Variants in DLG2 observed in about 807,000 individuals in gnomAD.
DLG2 encodes discs large MAGUK scaffold protein 2.
In DLG2, 45 loss-of-function variants were observed where a neutral mutation model predicts 132.5. The ratio of observed to expected loss-of-function variants is 0.34; its 90% confidence interval spans 0.27 to 0.44. The LOEUF (loss-of-function observed/expected upper bound fraction) is 0.44, where lower values mean the gene tolerates loss of function less well. Ranked by LOEUF, DLG2 falls within the 20% of genes least tolerant of loss-of-function variation. The pLI is 1.00. For synonymous variants in DLG2, 424 were observed against 419.6 expected, an observed-to-expected ratio of 1.01 and a Z score of -0.13; for missense variants, 1,045 against 1,196.9, an observed-to-expected ratio of 0.87 and a Z score of 1.87.
intron 6 of DLG2, among the ~76,000 whole-genome samples, chr11:85,082,399 T>C (rs997320287): frequency 1.3e-5 from 2 of 152,032 alleles, no homozygotes; most frequent in African/African-American, 4.8e-5. Flanking sequence ...AATTTTCTCA[T>C]AGTAAAAGGT....
chr11:85,564,037 G>A (rs1565690994), intron 3 of DLG2, among the ~76,000 whole-genome samples: 1 of 151,940 alleles, frequency 6.6e-6, no homozygotes, highest in East Asian at 1.9e-4. Flanking sequence ...TTTTCTTAAT[G>A]TCTAAAGATG....
intron 10 of DLG2, among the ~76,000 whole-genome samples, chr11:84,074,011 T>C (rs1179227010): frequency 6.6e-6 from 1 of 152,252 alleles, no homozygotes; most frequent in Non-Finnish European, 1.5e-5. Flanking sequence ...TTAAAATTCT[T>C]GTAAATATCA....
At chr11:85,583,580 G>C (rs538737231) in intron 3 of DLG2, among the ~76,000 whole-genome samples, 2 of 152,196 alleles carry the variant, frequency 1.3e-5, no homozygotes, top group African/African-American at 4.8e-5. Context: ...TCTGAGCAGA[G>C]AGCACTTTCT....
intron 9 of DLG2, among the ~76,000 whole-genome samples, chr11:84,156,055 A>G (rs901742141): frequency 6.6e-6 from 1 of 152,236 alleles, no homozygotes; most frequent in Admixed American, 6.5e-5. Context: ...GGAGGAGGAA[A>G]TAATTCAAAA....
intron 7 of DLG2, among the ~76,000 whole-genome samples, chr11:84,526,979 C>T (rs978674633): frequency 1.3e-5 from 2 of 152,018 alleles, no homozygotes; most frequent in African/African-American, 2.4e-5. Context: ...GGGGTTTCAC[C>T]GTTTTAGCCG....
intron 8 of DLG2, chr11:84,167,011 G>A (rs770455608): frequency 9.4e-6 from 5 of 533,130 alleles, no homozygotes. Flanking sequence ...TCACAGTTGG[G>A]GTTTCTGTTA....
intron 16 of DLG2, among the ~76,000 whole-genome samples, chr11:83,841,184 A>G (rs2057441486): frequency 6.6e-6 from 1 of 152,236 alleles, no homozygotes; most frequent in African/African-American, 2.4e-5. Context: ...CTTTCTAGGT[A>G]TACCTAATAC....
At chr11:84,535,115 A>T (rs1438995980) in intron 6 of DLG2, among the ~76,000 whole-genome samples, 3 of 152,262 alleles carry the variant, frequency 2.0e-5, no homozygotes, top group Non-Finnish European at 4.4e-5. Flanking sequence ...GAAGAAAAAA[A>T]GTACTGAGCA....
In DLG2 at chr11:84,947,947, GATAGGTAACA is replaced by G. The variant is rs1290920909; in HGVS notation, c.357+163704_357+163713del. On this transcript the variant is annotated intron_variant, in intron 6 of 27. Coordinates refer to ENST00000376104, the MANE Select transcript of DLG2 (RefSeq NM_001142699.3). Reference sequence around the variant, plus strand: ...ATTAAATAACTTGTCCTAGAGCAATGATAGGTAACAAAGAGAAGTGTACTGGGCCGTTAGG... The same window carrying G: ...ATTAAATAACTTGTCCTAGAGCAATGAAGAGAAGTGTACTGGGCCGTTAGG... Among the ~76,000 whole-genome samples, 5 of 152,212 alleles carry G rather than the reference GATAGGTAACA, an allele frequency of 3.3e-5. No individual in the cohort carries two copies. In the South Asian group the frequency reaches 6.2e-4, roughly 19 times the overall value.
intron 11 of DLG2, among the ~76,000 whole-genome samples, chr11:84,011,346 C>G (rs2094881692): frequency 6.6e-6 from 1 of 151,984 alleles, no homozygotes; most frequent in Non-Finnish European, 1.5e-5. Flanking sequence ...TGGCATGTGC[C>G]TGTGGTTCCA....
At chr11:84,103,041 T>A (rs1261553755) in intron 9 of DLG2, among the ~76,000 whole-genome samples, 1 of 152,082 alleles carries the variant, frequency 6.6e-6, no homozygotes, top group Admixed American at 6.6e-5. Context: ...GTGTTTCTGG[T>A]CCCAAAGCAT....
At chr11:85,622,856 G>A (rs1043580463) in intron 2 of DLG2, among the ~76,000 whole-genome samples, 6 of 152,060 alleles carry the variant, frequency 3.9e-5, no homozygotes, top group South Asian at 2.1e-4. Context: ...TCAGGAGTTC[G>A]AGATCAGCCT....
chr11:84,463,797 C>A (rs541917452), intron 7 of DLG2, among the ~76,000 whole-genome samples: 1 of 151,200 alleles, frequency 6.6e-6, no homozygotes, highest in East Asian at 2.0e-4. Context: ...CTTGAACACA[C>A]CCGTGGGTTT....
chr11:83,671,423 T>C (rs1349771485), intron 18 of DLG2, among the ~76,000 whole-genome samples: 2 of 152,180 alleles, frequency 1.3e-5, no homozygotes, highest in African/African-American at 2.4e-5. Flanking sequence ...CCCAATACTA[T>C]TGAGCCCCTC....
At chr11:83,641,059 T>C (rs1017109433) in intron 18 of DLG2, among the ~76,000 whole-genome samples, 1 of 152,034 alleles carries the variant, frequency 6.6e-6, no homozygotes, top group African/African-American at 2.4e-5. Context: ...TCCAAGAGAG[T>C]GTAATTTATT....
chr11:85,003,134 G>A (rs928571080), intron 6 of DLG2, among the ~76,000 whole-genome samples: 1 of 151,684 alleles, frequency 6.6e-6, no homozygotes, highest in Non-Finnish European at 1.5e-5. Flanking sequence ...ATTTTTCAAG[G>A]GTCAAGTATA....
intron 21 of DLG2, among the ~76,000 whole-genome samples, chr11:83,484,566 G>GAATT (rs2093375622): frequency 6.6e-6 from 1 of 152,098 alleles, no homozygotes. Context: ...CTTAGAAAGG[G>GAATT]AATTGAATGT....
chr11:83,611,486 C>T (rs796853121), intron 19 of DLG2, among the ~76,000 whole-genome samples: 1 of 152,172 alleles, frequency 6.6e-6, no homozygotes, highest in African/African-American at 2.4e-5. Context: ...GACAAACTGA[C>T]AAGCTTTGTT....
intron 7 of DLG2, among the ~76,000 whole-genome samples, chr11:84,266,419 A>C (rs1213776907): frequency 6.6e-6 from 1 of 152,188 alleles, no homozygotes; most frequent in African/African-American, 2.4e-5. Context: ...GAACATCTCC[A>C]TAGATTAAGT....
Sources: gnomAD v4.1 joint callset for allele counts (sites outside exome capture counted in the v4.1 genomes callset) on GRCh38, gnomAD v4.1.1 for gene constraint, MANE v1.5 for transcripts, NCBI Gene and HGNC (gene_info 2026-07-23, HGNC 2026-07-21) for gene names.